The following GFRA1 variants were observed in gnomAD, a reference collection of about 807,000 sequenced individuals.
GFRA1 encodes the protein GDNF family receptor alpha 1.
Under a neutral mutation model 51.6 loss-of-function variants are expected in GFRA1, and 16 were observed. That is an observed-to-expected ratio of 0.31 (90% confidence interval 0.21 to 0.47). GFRA1 has a LOEUF of 0.47. Ranked by LOEUF, GFRA1 falls within the 20% of genes least tolerant of loss-of-function variation. GFRA1 has a pLI of 1.00. For synonymous variants in GFRA1, 270 were observed against 241.3 expected (o/e 1.12, Z -1.10); for missense variants, 530 against 594.3 (o/e 0.89, Z 1.13).
intron 5 of GFRA1, among the ~76,000 whole-genome samples, chr10:116,147,263 G>C (rs1195130472): frequency 6.6e-6 from 1 of 152,156 alleles, no homozygotes; most frequent in Non-Finnish European, 1.5e-5. Flanking sequence ...ACAGCTAATG[G>C]GAGTTCTGCA....
chr10:116,255,820 C>CA, intron 4 of GFRA1: 2 of 1,136,488 alleles, frequency 1.8e-6, no homozygotes, highest in African/African-American at 1.6e-5. Flanking sequence ...AGTCAGTTCG[C>CA]AAAAAACCTG....
At position 116,196,502 on chromosome 10, in the gene GFRA1, A is replaced by G. The variant is rs190777044; in HGVS notation, c.433+15129T>C. ...AGACTCTGTCTCAAAAAATATATAT[A>G]TATAATATATATTTATAAATTTATA... On this transcript the variant is annotated intron_variant, in intron 5 of 10. Transcript: ENST00000355422. 5.5e-3 allele frequency among the ~76,000 whole-genome samples: 763 copies of G among 138,230 alleles called. 7 individuals are homozygous for G. The highest frequency in any genetic ancestry group is 9.8e-3 in the Non-Finnish European group (644 of 65,682). The allele number at this position is 138,230 out of a possible 152,430, so 90.7% of individuals were successfully genotyped here. A position where few individuals can be genotyped will look rare whatever the true frequency, so the allele number is the denominator to read the frequency against.
chr10:116,077,752 T>C (rs1193732811), intron 9 of GFRA1, among the ~76,000 whole-genome samples: 2 of 152,224 alleles, frequency 1.3e-5, no homozygotes, highest in African/African-American at 4.8e-5. Context: ...GCTGGCAATA[T>C]GATAACAGCT....
In GFRA1 at chr10:116,064,076, GATGATCATC is replaced by G. The variant is rs1565546856; in HGVS notation, c.*313_*321del. 7 of 118,048 alleles carry G rather than the reference GATGATCATC, an allele frequency of 5.9e-5. No homozygotes were observed. In the African/African-American group the frequency reaches 8.2e-4, roughly 14 times the overall value. The allele number at this position is 118,048 out of a possible 1,614,324, so 7.3% of individuals were successfully genotyped here. A position where few individuals can be genotyped will look rare whatever the true frequency, so the allele number is the denominator to read the frequency against. Reference sequence around the variant, plus strand: ...TCATGATGATCATCATCATGATCATGATGATCATCATCATGATCATCATCATCATCGAAA... The same window carrying G: ...TCATGATGATCATCATCATGATCATGATCATGATCATCATCATCATCGAAA... On this transcript the variant is annotated 3_prime_UTR_variant, in exon 11 of 11. Transcript: ENST00000355422.
intron 5 of GFRA1, among the ~76,000 whole-genome samples, chr10:116,149,917 T>C (rs1958995407): frequency 1.3e-5 from 2 of 152,192 alleles, no homozygotes; most frequent in African/African-American, 4.8e-5. Context: ...CTTCTTAGTA[T>C]GTTCCAAGCA....
intron 4 of GFRA1, among the ~76,000 whole-genome samples, chr10:116,226,990 G>T (rs1966344070): frequency 6.6e-6 from 1 of 152,170 alleles, no homozygotes; most frequent in South Asian, 2.1e-4. Flanking sequence ...TGTAAATACA[G>T]ATGAAGCTTC....
At chr10:116,227,970 C>A (rs928102940) in intron 4 of GFRA1, among the ~76,000 whole-genome samples, 4 of 152,206 alleles carry the variant, frequency 2.6e-5, no homozygotes, top group African/African-American at 9.7e-5. Context: ...ATGTTTTGGA[C>A]AAAGTGTGCT....
chr10:116,180,500 CAAAT>C (rs1171177974), intron 5 of GFRA1, among the ~76,000 whole-genome samples: 2 of 152,162 alleles, frequency 1.3e-5, no homozygotes, highest in Non-Finnish European at 2.9e-5. Context: ...AACAGAGTAA[CAAAT>C]AACAGAATGA....
chr10:116,197,795 T>C (rs568034237), intron 5 of GFRA1, among the ~76,000 whole-genome samples: 1 of 152,294 alleles, frequency 6.6e-6, no homozygotes, highest in South Asian at 2.1e-4. Flanking sequence ...ACAGCAAGCA[T>C]CTCTGAGGAT....
intron 5 of GFRA1, among the ~76,000 whole-genome samples, chr10:116,196,576 TAATA>T (rs1963796241): frequency 2.3e-5 from 1 of 43,162 alleles, no homozygotes; most frequent in African/African-American, 7.1e-5. Flanking sequence ...ATAATATATA[TAATA>T]TATAGTACTA....
chr10:116,221,228 A>G (rs370532623), intron 4 of GFRA1, among the ~76,000 whole-genome samples: 1 of 152,180 alleles, frequency 6.6e-6, no homozygotes, highest in East Asian at 1.9e-4. Context: ...GGTTAACTAA[A>G]GCTGCCAAAG....
intron 4 of GFRA1, among the ~76,000 whole-genome samples, chr10:116,247,516 TG>T (rs1471269284): frequency 1.3e-5 from 2 of 152,182 alleles, no homozygotes; most frequent in Non-Finnish European, 2.9e-5. Flanking sequence ...GGCCATGTGC[TG>T]GGGCCCCTGG....
At chr10:116,136,164 C>T (rs1402342518) in intron 5 of GFRA1, among the ~76,000 whole-genome samples, 10 of 152,204 alleles carry the variant, frequency 6.6e-5, no homozygotes, top group Non-Finnish European at 8.8e-5. Flanking sequence ...AAACATTTCC[C>T]GTTTTTATGA....
intron 5 of GFRA1, among the ~76,000 whole-genome samples, chr10:116,157,857 AT>A (rs1290420674): frequency 2.6e-5 from 4 of 152,182 alleles, no homozygotes; most frequent in African/African-American, 9.7e-5. Flanking sequence ...CCACTGTCCA[AT>A]TTTTTGTCCT....
intron 4 of GFRA1, among the ~76,000 whole-genome samples, chr10:116,228,415 G>A (rs924592631): frequency 1.3e-5 from 2 of 152,170 alleles, no homozygotes; most frequent in Non-Finnish European, 2.9e-5. Context: ...GCTATGGTGG[G>A]CAGACCAATG....
intron 5 of GFRA1, among the ~76,000 whole-genome samples, chr10:116,176,671 T>C (rs1333611497): frequency 6.6e-6 from 1 of 152,134 alleles, no homozygotes; most frequent in Admixed American, 6.5e-5. Flanking sequence ...CATATTTCTT[T>C]ATAGCAACAC....
At chr10:116,212,461 A>C (rs1443171028) in intron 4 of GFRA1, among the ~76,000 whole-genome samples, 1 of 151,546 alleles carries the variant, frequency 6.6e-6, no homozygotes, top group Non-Finnish European at 1.5e-5. Flanking sequence ...AGGAGGTTGC[A>C]GTAAGCCGAG....
intron 3 of GFRA1, 61 bp downstream of exon 3, chr10:116,270,761 C>G: frequency 2.1e-6 from 3 of 1,443,348 alleles, no homozygotes; most frequent in Middle Eastern, 1.9e-4. Flanking sequence ...GGCCCAGGGA[C>G]GAAAGGCCCG....
chr10:116,222,788 C>T (rs1490337907), intron 4 of GFRA1, among the ~76,000 whole-genome samples: 1 of 152,288 alleles, frequency 6.6e-6, no homozygotes, highest in East Asian at 1.9e-4. Flanking sequence ...ATAAAATATA[C>T]AGTCAGACCT....
Sources: gnomAD v4.1 joint callset for allele counts (sites outside exome capture counted in the v4.1 genomes callset) on GRCh38, gnomAD v4.1.1 for gene constraint, MANE v1.5 for transcripts, NCBI Gene and HGNC (gene_info 2026-07-23, HGNC 2026-07-21) for gene names.